CBFA2T3: variants seen among roughly 807,000 people sequenced by gnomAD.
CBFA2T3 encodes the protein CBFA2/RUNX1 partner transcriptional co-repressor 3.
CBFA2T3 carries 31 observed loss-of-function variants against 58.6 expected under a neutral mutation model. That is an observed-to-expected ratio of 0.53 (90% CI 0.40 to 0.71). The LOEUF (loss-of-function observed/expected upper bound fraction) is 0.71, where lower values mean the gene tolerates loss of function less well. Ranked by LOEUF, CBFA2T3 falls within the 30% of genes least tolerant of loss-of-function variation. The probability of loss-of-function intolerance (pLI) is 0.00; values close to 1 mark genes in which losing one functional copy is unlikely to be tolerated. For missense variants in CBFA2T3, 1,076 were observed against 963.1 expected, an observed-to-expected ratio of 1.12 and a Z score of -1.55; for synonymous variants, 531 against 421.9, an observed-to-expected ratio of 1.26 and a Z score of -3.17.
chr16:88,884,788 C>T (rs556607063), intron 7 of CBFA2T3: 12 of 415,704 alleles, frequency 2.9e-5, no homozygotes, highest in East Asian at 1.2e-4. Flanking sequence ...TCGCCAAGCT[C>T]GGATGAGAAC....
intron 2 of CBFA2T3, among the ~76,000 whole-genome samples, chr16:88,898,670 G>A (rs1175912255): frequency 3.3e-5 from 5 of 152,224 alleles, no homozygotes; most frequent in African/African-American, 7.2e-5. Flanking sequence ...CCTGAGACTC[G>A]GCTTGGAGTC....
intron 1 of CBFA2T3, chr16:88,936,900 G>C (rs1340572616): frequency 1.3e-5 from 2 of 152,256 alleles, no homozygotes; most frequent in African/African-American, 4.8e-5. Context: ...TCAGAAGTGG[G>C]GACTGGGGAG....
chr16:88,924,380 C>T (rs1174196428), intron 1 of CBFA2T3, among the ~76,000 whole-genome samples: 1 of 152,174 alleles, frequency 6.6e-6, no homozygotes, highest in Non-Finnish European at 1.5e-5. Flanking sequence ...CACAAGGAGG[C>T]TAGACTCTGC....
At chr16:88,975,159 C>CCCTGGCCCTCTGCT (rs1567643890) in intron 1 of CBFA2T3, among the ~76,000 whole-genome samples, 9 of 139,492 alleles carry the variant, frequency 6.5e-5, no homozygotes, top group Non-Finnish European at 9.3e-5. Flanking sequence ...CAGAGGTCCA[C>CCCTGGCCCTCTGCT]CCTGACCCTC....
At chr16:88,959,386 A>G (rs183337786) in intron 1 of CBFA2T3, among the ~76,000 whole-genome samples, 1 of 152,130 alleles carries the variant, frequency 6.6e-6, no homozygotes, top group East Asian at 1.9e-4. Context: ...AGGTGGAGGG[A>G]ACACGCATGC....
intron 1 of CBFA2T3, among the ~76,000 whole-genome samples, chr16:88,906,977 C>T (rs1245256812): frequency 3.3e-5 from 5 of 150,926 alleles, no homozygotes; most frequent in Middle Eastern, 6.8e-3. Context: ...GTGGGTGGCC[C>T]GTCACCATAC....
chr16:88,938,993 C>T (rs1221924348), intron 1 of CBFA2T3: 2 of 152,204 alleles, frequency 1.3e-5, no homozygotes, highest in East Asian at 3.9e-4. Context: ...GAGGCCCGGC[C>T]CTCCCCACTG....
intron 1 of CBFA2T3, among the ~76,000 whole-genome samples, chr16:88,941,399 CCCG>C (rs1038578518): frequency 1.4e-5 from 2 of 146,702 alleles, no homozygotes; most frequent in African/African-American, 2.4e-5. Flanking sequence ...CCTCCTGCCC[CCCG>C]CCGCCGCCGC....
chr16:88,919,728 AAAAG>A (rs1311053363), intron 1 of CBFA2T3, among the ~76,000 whole-genome samples: 5 of 152,150 alleles, frequency 3.3e-5, no homozygotes, highest in African/African-American at 1.2e-4. Context: ...GTTTACTCTA[AAAAG>A]AAAGACAAGG....
intron 1 of CBFA2T3, among the ~76,000 whole-genome samples, chr16:88,975,384 G>T (rs1972829573): frequency 1.3e-5 from 2 of 152,218 alleles, no homozygotes; most frequent in South Asian, 4.1e-4. Flanking sequence ...TAACAAAGCG[G>T]CGGCTCTCCA....
In CBFA2T3 at chr16:88,948,565, C is replaced by T. The variant is rs549620749; in HGVS notation, c.151+28092G>A. On this transcript the variant is annotated intron_variant, in intron 1 of 11. Transcript: ENST00000268679. The stretch of plus-strand genomic sequence containing the variant: ...CCCTAAAGCAGAGGGAGTCCGGGCT[C>T]CGGACAGGAGGCTTCCCTGCCTCAG... Among the ~76,000 whole-genome samples the T allele has an allele frequency of 2.0e-5, 3 of 152,344 alleles. No individual in the cohort carries two copies. In the South Asian group the frequency reaches 6.2e-4, roughly 32 times the overall value.
At chr16:88,926,132 T>TG (rs949159881) in intron 1 of CBFA2T3, among the ~76,000 whole-genome samples, 3 of 152,334 alleles carry the variant, frequency 2.0e-5, no homozygotes, top group African/African-American at 4.8e-5. Context: ...CCCACTGTGA[T>TG]GGGGCCAGTG....
chr16:88,878,606 G>A (rs1968931315), intron 11 of CBFA2T3, among the ~76,000 whole-genome samples: 1 of 152,190 alleles, frequency 6.6e-6, no homozygotes, highest in Admixed American at 6.5e-5. Context: ...CGCCACCTGG[G>A]GCCCTCACAG....
chr16:88,940,115 GCT>G (rs1249338298), intron 1 of CBFA2T3: 1 of 153,908 alleles, frequency 6.5e-6, no homozygotes, highest in African/African-American at 2.4e-5. Flanking sequence ...CACGCGACGT[GCT>G]CTCTTTTCAA....
intron 1 of CBFA2T3, among the ~76,000 whole-genome samples, chr16:88,915,207 G>T (rs1365681002): frequency 8.0e-6 from 1 of 125,228 alleles, no homozygotes; most frequent in Non-Finnish European, 1.7e-5. Context: ...TGGGTGTGGG[G>T]TGGGGAGGAG....
chr16:88,878,581 G>A (rs1299002478), intron 11 of CBFA2T3, among the ~76,000 whole-genome samples: 1 of 152,240 alleles, frequency 6.6e-6, no homozygotes, highest in African/African-American at 2.4e-5. Context: ...CCGGGAGGGA[G>A]CCGGGCGCCT....
At chr16:88,952,445 C>T (rs1226652941) in intron 1 of CBFA2T3, among the ~76,000 whole-genome samples, 10 of 152,052 alleles carry the variant, frequency 6.6e-5, no homozygotes, top group Non-Finnish European at 1.2e-4. Flanking sequence ...GGACAAATGC[C>T]CAGGCCATGG....
intron 1 of CBFA2T3, among the ~76,000 whole-genome samples, chr16:88,902,160 C>T (rs1018988460): frequency 1.3e-5 from 2 of 152,234 alleles, no homozygotes; most frequent in African/African-American, 2.4e-5. Flanking sequence ...TTCTAAGAGT[C>T]CCTTCCACTT....
chr16:88,940,486 C>A (rs985991412), intron 1 of CBFA2T3, among the ~76,000 whole-genome samples: 1 of 152,260 alleles, frequency 6.6e-6, no homozygotes, highest in African/African-American at 2.4e-5. Context: ...TCGCTGCCAC[C>A]CGGCTGTGCC....
Sources: allele counts gnomAD v4.1 joint callset (sites outside exome capture counted in the v4.1 genomes callset), GRCh38; gene constraint gnomAD v4.1.1; transcripts MANE v1.5; gene names NCBI Gene and HGNC (gene_info 2026-07-23, HGNC 2026-07-21).